The following EIF4E3 variants were observed in gnomAD, a reference collection of about 807,000 sequenced individuals.
The protein encoded by EIF4E3 is eukaryotic translation initiation factor 4E family member 3.
Under a neutral mutation model 31.7 loss-of-function variants are expected in EIF4E3, and 26 were observed. The observed-to-expected ratio is 0.82, with a 90% CI of 0.60 to 1.14. The LOEUF (loss-of-function observed/expected upper bound fraction) is 1.14. Ranked by LOEUF, EIF4E3 falls within the 50% of genes most tolerant of loss-of-function variation. The probability of loss-of-function intolerance (pLI) is 0.00; values close to 1 mark genes in which losing one functional copy is unlikely to be tolerated. For synonymous variants in EIF4E3, 128 were observed against 107.7 expected (o/e 1.19, Z -1.17); for missense variants, 304 against 270.9 (o/e 1.12, Z -0.86).
the EIF4E3 span, among the ~76,000 whole-genome samples, chr3:71,661,914 G>A: frequency 6.6e-6 from 1 of 152,158 alleles, no homozygotes; most frequent in African/African-American, 2.4e-5. Context: ...CAAAGTGTCC[G>A]TATTTGAATC....
chr3:71,695,907 T>C (rs933254709), intron 4 of EIF4E3, among the ~76,000 whole-genome samples: 1 of 152,226 alleles, frequency 6.6e-6, no homozygotes, highest in Non-Finnish European at 1.5e-5. Context: ...TTTCTGAGAC[T>C]TGATCACTGC....
At chr3:71,688,650 G>C (rs1008512271) in intron 6 of EIF4E3, among the ~76,000 whole-genome samples, 1 of 152,020 alleles carries the variant, frequency 6.6e-6, no homozygotes, top group Non-Finnish European at 1.5e-5. Context: ...ATACACTTCC[G>C]TCTATAGAGT....
upstream of EIF4E3, chr3:71,754,676 C>T (rs1309986380): frequency 3.3e-6 from 5 of 1,497,784 alleles, no homozygotes; most frequent in East Asian, 5.8e-5. The surrounding 1 kb of genome is among the most constrained non-coding windows in gnomAD (Gnocchi z 5.8). Context: ...TCTTCATCCA[C>T]GACCGCCGCA....
chr3:71,705,465 T>C (rs1018623525), intron 2 of EIF4E3, among the ~76,000 whole-genome samples: 4 of 152,358 alleles, frequency 2.6e-5, no homozygotes, highest in Admixed American at 1.3e-4. Context: ...TTTCTGCTTA[T>C]GATAAACGAT....
chr3:71,734,090 A>ATC (rs2049736448), intron 1 of EIF4E3, among the ~76,000 whole-genome samples: 2 of 152,200 alleles, frequency 1.3e-5, no homozygotes, highest in Non-Finnish European at 2.9e-5. Context: ...CATTCTTATT[A>ATC]GTTACATATT....
At chr3:71,707,670 T>C (rs2049313153) in intron 2 of EIF4E3, among the ~76,000 whole-genome samples, 2 of 152,094 alleles carry the variant, frequency 1.3e-5, no homozygotes, top group South Asian at 4.1e-4. Flanking sequence ...GAAATTTTAA[T>C]ACCACAGAGA....
chr3:71,729,104 G>A (rs1291262435), upstream of EIF4E3: 3 of 152,234 alleles, frequency 2.0e-5, no homozygotes, highest in Non-Finnish European at 4.4e-5. Context: ...AGCAGGAGCT[G>A]GTAATCCCAT....
At chr3:71,747,375 C>A (rs967989538) in intron 1 of EIF4E3, among the ~76,000 whole-genome samples, 1 of 152,182 alleles carries the variant, frequency 6.6e-6, no homozygotes, top group Non-Finnish European at 1.5e-5. Flanking sequence ...GTCCTATTGA[C>A]TAATGATGCA....
chr3:71,697,666 T>C (rs2049158703), intron 3 of EIF4E3, among the ~76,000 whole-genome samples: 1 of 152,100 alleles, frequency 6.6e-6, no homozygotes, highest in South Asian at 2.1e-4. Context: ...GCATGAGGTA[T>C]CTGTCTTTCC....
chr3:71,753,662 G>GGCGGCGGCA (rs937588323), upstream of EIF4E3: 1,110 of 148,910 alleles, frequency 7.5e-3, 1 homozygote, highest in East Asian at 0.02. Context: ...CGGCGGCGGC[G>GGCGGCGGCA]GCGGCGGCAG....
chr3:71,666,003 A>T, the EIF4E3 span, among the ~76,000 whole-genome samples: 1 of 152,222 alleles, frequency 6.6e-6, no homozygotes, highest in Non-Finnish European at 1.5e-5. Context: ...AGTGGGAAAG[A>T]CCTAAAATCG....
intron 1 of EIF4E3, among the ~76,000 whole-genome samples, chr3:71,738,935 A>G (rs1178811367): frequency 6.8e-6 from 1 of 146,922 alleles, no homozygotes; most frequent in Admixed American, 6.7e-5. Context: ...AATCAATACC[A>G]GAAAAAGAAC....
intron 1 of EIF4E3, among the ~76,000 whole-genome samples, chr3:71,737,776 C>T (rs1275684209): frequency 6.6e-6 from 1 of 151,898 alleles, no homozygotes; most frequent in African/African-American, 2.4e-5. Flanking sequence ...AAAAAACAAA[C>T]AAACAAACAA....
intron 6 of EIF4E3, among the ~76,000 whole-genome samples, chr3:71,686,834 A>C (rs2048998896): frequency 6.6e-6 from 1 of 152,122 alleles, no homozygotes; most frequent in African/African-American, 2.4e-5. Flanking sequence ...GAACATTCAG[A>C]ATTGGGAGTG....
In EIF4E3 at chr3:71,683,756, T is replaced by C. The variant is rs2048953304; in HGVS notation, c.*926A>G. On this transcript the variant is annotated 3_prime_UTR_variant, in exon 7 of 7. Transcript: ENST00000425534. ...CAGGGAAAGGGATCATTTAACAAAATGTGTTAGCGTTGACTGGGAAAGAAA... is the reference window on the plus strand; with the variant it reads ...CAGGGAAAGGGATCATTTAACAAAACGTGTTAGCGTTGACTGGGAAAGAAA... 6.6e-6 allele frequency: 1 copy of C among 152,192 alleles called. No homozygotes were observed. Among genetic ancestry groups the C allele is most frequent in the African/African-American group, 2.4e-5 (1 of 41,450 alleles). The allele number at this position is 152,192 out of a possible 1,614,324, so 9.4% of individuals were successfully genotyped here.
rs1183935768 is a variant in EIF4E3 at position 71,678,095 on chromosome 3, AG to A, written c.*6586del. The A allele has an allele frequency of 1.3e-5, 2 of 152,166 alleles. No individual in the cohort carries two copies. The highest frequency in any genetic ancestry group is 2.9e-5 in the Non-Finnish European group (2 of 68,022). 9.4% of individuals were successfully genotyped at this position (152,166 alleles called of 1,614,324 possible). A position where few individuals can be genotyped will look rare whatever the true frequency, so the allele number is the denominator to read the frequency against. On this transcript the variant is annotated 3_prime_UTR_variant, in exon 7 of 7. Coordinates refer to ENST00000425534, the MANE Select transcript of EIF4E3 (RefSeq NM_001134651.2). ...ATGCTAGCAGCGTCACACATATTAG[AG>A]GTGTTGGACAGAAACTTTTAATATG...
chr3:71,733,973 G>C (rs946411303), intron 1 of EIF4E3, among the ~76,000 whole-genome samples: 9 of 152,152 alleles, frequency 5.9e-5, no homozygotes, highest in Non-Finnish European at 1.0e-4. Flanking sequence ...CAGTGTTTAG[G>C]CCAATGAGAC....
chr3:71,719,282 A>C (rs2049509993), intron 1 of EIF4E3, among the ~76,000 whole-genome samples: 1 of 152,166 alleles, frequency 6.6e-6, no homozygotes, highest in African/African-American at 2.4e-5. Flanking sequence ...TACTCAATTG[A>C]TATGATCAAT....
In EIF4E3 at chr3:71,677,651, G is replaced by A. The variant is rs1022055879; in HGVS notation, c.*7031C>T. Reference sequence around the variant, plus strand: ...GCTCTTCAACGATTTCATTAAATTCGCTGTGTTAAAATTAATTAGGCATCA... The same window carrying A: ...GCTCTTCAACGATTTCATTAAATTCACTGTGTTAAAATTAATTAGGCATCA... On this transcript the variant is annotated 3_prime_UTR_variant, in exon 7 of 7. Coordinates refer to ENST00000425534, the MANE Select transcript of EIF4E3 (RefSeq NM_001134651.2). 5 of 152,254 alleles carry A rather than the reference G, an allele frequency of 3.3e-5. No homozygotes were observed. The highest frequency in any genetic ancestry group is 2.0e-4 in the Admixed American group (3 of 15,296). The allele number at this position is 152,254 out of a possible 1,614,324, so 9.4% of individuals were successfully genotyped here.
Sources: allele counts gnomAD v4.1 joint callset (sites outside exome capture counted in the v4.1 genomes callset), GRCh38; gene constraint gnomAD v4.1.1; non-coding constraint Gnocchi (gnomAD v3.1); transcripts MANE v1.5; gene names NCBI Gene and HGNC (gene_info 2026-07-23, HGNC 2026-07-21).